The following UNC5C variants were observed in gnomAD, a reference collection of about 807,000 sequenced individuals.
The protein encoded by UNC5C is unc-5 netrin receptor C.
In UNC5C, 47 loss-of-function variants were observed where a neutral mutation model predicts 99.8. That is an observed-to-expected ratio of 0.47 (90% confidence interval 0.37 to 0.60). The LOEUF (loss-of-function observed/expected upper bound fraction) is 0.60. Among genes scored for constraint, UNC5C ranks in the 20% least tolerant of loss-of-function variants. The pLI is 0.00. For missense variants in UNC5C, 1,062 were observed against 1,165.9 expected (o/e 0.91, Z 1.30); for synonymous variants, 487 against 452.2 (o/e 1.08, Z -0.98).
chr4:95,521,043 A>T (rs951865301), intron 1 of UNC5C, among the ~76,000 whole-genome samples: 1 of 152,030 alleles, frequency 6.6e-6, no homozygotes, highest in African/African-American at 2.4e-5. Context: ...AGCATAATCA[A>T]GGCAGCTTAA....
chr4:95,330,291 A>G (rs1334187536), intron 2 of UNC5C, among the ~76,000 whole-genome samples: 1 of 152,118 alleles, frequency 6.6e-6, no homozygotes, highest in South Asian at 2.1e-4. Flanking sequence ...ATTTTCCCAA[A>G]TTATTTTTAA....
rs746985164 is a variant in UNC5C, at chr4:95,430,821, A to ACC, written c.125-95191_125-95190insGG. ...ACCCAAGACTATATGCAGCCTAAGA[A>ACC]CGTGAAAGAACCCATGAATGGTGGT... is the stretch of plus-strand genomic sequence containing the variant. On this transcript the variant is annotated intron_variant, in intron 1 of 15. Coordinates refer to ENST00000453304, the MANE Select transcript of UNC5C (RefSeq NM_003728.4). Among the ~76,000 whole-genome samples, 92 of 152,204 alleles carry ACC rather than the reference A, an allele frequency of 6.0e-4. 1 individual carries two copies. Among genetic ancestry groups the ACC allele is most frequent in the Admixed American group, 1.6e-3 (24 of 15,270 alleles).
At chr4:95,420,967 T>C (rs1319724500) in intron 1 of UNC5C, among the ~76,000 whole-genome samples, 1 of 152,166 alleles carries the variant, frequency 6.6e-6, no homozygotes, top group Non-Finnish European at 1.5e-5. Context: ...ATCTGCTACC[T>C]ATTAGAATTT....
At chr4:95,190,774 G>A (rs144166410) in intron 12 of UNC5C, among the ~76,000 whole-genome samples, 6 of 152,236 alleles carry the variant, frequency 3.9e-5, no homozygotes, top group East Asian at 1.9e-4. Flanking sequence ...CCCAGCGTCC[G>A]CCAGGGATCT....
chr4:95,249,165 G>A (rs1453516374), intron 5 of UNC5C, among the ~76,000 whole-genome samples: 1 of 152,194 alleles, frequency 6.6e-6, no homozygotes, highest in Non-Finnish European at 1.5e-5. Context: ...TATGTGTGCA[G>A]TAGGCTATAC....
chr4:95,525,670 G>A (rs1313375765), intron 1 of UNC5C, among the ~76,000 whole-genome samples: 1 of 145,180 alleles, frequency 6.9e-6, no homozygotes, highest in African/African-American at 2.5e-5. Context: ...GGATGTGGAA[G>A]TGTCAAGCAA....
intron 1 of UNC5C, among the ~76,000 whole-genome samples, chr4:95,479,187 T>G (rs1019055319): frequency 6.6e-6 from 1 of 152,040 alleles, no homozygotes; most frequent in African/African-American, 2.4e-5. Flanking sequence ...TATTCTTATG[T>G]TGACTTGTAT....
intron 1 of UNC5C, among the ~76,000 whole-genome samples, chr4:95,393,864 A>T (rs7679223): frequency 0.57 from 67,281 of 118,890 alleles, 15,458 homozygotes; most frequent in East Asian, 0.73. Flanking sequence ...TTTTTTTTTT[A>T]AAAAAAAACA....
chr4:95,421,374 T>C (rs1337435749), intron 1 of UNC5C, among the ~76,000 whole-genome samples: 1 of 152,202 alleles, frequency 6.6e-6, no homozygotes, highest in Non-Finnish European at 1.5e-5. Flanking sequence ...CACCCTTCAT[T>C]TCTAGGATAC....
At chr4:95,176,205 G>A (rs191784456) in intron 14 of UNC5C, among the ~76,000 whole-genome samples, 114 of 152,190 alleles carry the variant, frequency 7.5e-4, no homozygotes, top group African/African-American at 2.1e-3. Context: ...CCCATAGCTC[G>A]GAGTAATTTG....
At chr4:95,365,772 C>T (rs1043396908) in intron 1 of UNC5C, among the ~76,000 whole-genome samples, 2 of 152,030 alleles carry the variant, frequency 1.3e-5, no homozygotes, top group Non-Finnish European at 1.5e-5. Context: ...AAAGTAAGTA[C>T]AATAGCAAGA....
chr4:95,373,237 C>T (rs1206598107), intron 1 of UNC5C, among the ~76,000 whole-genome samples: 2 of 152,114 alleles, frequency 1.3e-5, no homozygotes, highest in South Asian at 2.1e-4. Context: ...AACTGTTCCC[C>T]GGCTTTCCAT....
chr4:95,302,256 A>G lies in UNC5C; in HGVS notation c.347-507T>C, dbSNP rs548109951. On this transcript the variant is annotated intron_variant, in intron 2 of 15. Coordinates refer to ENST00000453304, the MANE Select transcript of UNC5C (RefSeq NM_003728.4). ...CTTGAAACAGATACTAACCTTTGTTAACAAGCTTCTGGTATCGTATCCGAA... is the reference window on the plus strand; with the variant it reads ...CTTGAAACAGATACTAACCTTTGTTGACAAGCTTCTGGTATCGTATCCGAA... Among the ~76,000 whole-genome samples the G allele has an allele frequency of 2.8e-4, 43 of 152,328 alleles. 1 individual carries two copies. The Middle Eastern group carries it at 0.01, about 36-fold the overall frequency.
intron 3 of UNC5C, among the ~76,000 whole-genome samples, chr4:95,281,558 G>A (rs1055265021): frequency 2.6e-4 from 40 of 152,152 alleles, no homozygotes; most frequent in Non-Finnish European, 7.3e-5. Context: ...GCTAGTGATA[G>A]AGGACAGGAA....
intron 1 of UNC5C, among the ~76,000 whole-genome samples, chr4:95,470,635 A>G (rs1456146050): frequency 6.6e-6 from 1 of 152,162 alleles, no homozygotes; most frequent in Non-Finnish European, 1.5e-5. Context: ...AAGCGTGAAC[A>G]AAGTGCACAC....
At chr4:95,497,467 A>G (rs571259216) in intron 1 of UNC5C, among the ~76,000 whole-genome samples, 4 of 152,090 alleles carry the variant, frequency 2.6e-5, no homozygotes, top group East Asian at 3.9e-4. Context: ...TGTTTATTCA[A>G]TGATCATTCA....
At chr4:95,462,559 A>C (rs1366224781) in intron 1 of UNC5C, among the ~76,000 whole-genome samples, 1 of 152,188 alleles carries the variant, frequency 6.6e-6, no homozygotes, top group Non-Finnish European at 1.5e-5. Flanking sequence ...TAATATGGCA[A>C]CATACAGGAG....
chr4:95,543,384 A>G (rs1722965905), intron 1 of UNC5C, among the ~76,000 whole-genome samples: 1 of 152,210 alleles, frequency 6.6e-6, no homozygotes, highest in African/African-American at 2.4e-5. Context: ...ATTAAACAAT[A>G]AGAGTTAGAT....
intron 1 of UNC5C, among the ~76,000 whole-genome samples, chr4:95,456,486 T>G (rs1747431060): frequency 6.6e-6 from 1 of 152,046 alleles, no homozygotes. Context: ...AATTCTGGAG[T>G]GCAAGAGATT....
Sources: gnomAD v4.1 joint callset for allele counts (sites outside exome capture counted in the v4.1 genomes callset) on GRCh38, gnomAD v4.1.1 for gene constraint, MANE v1.5 for transcripts, NCBI Gene and HGNC (gene_info 2026-07-23, HGNC 2026-07-21) for gene names.